Variants in ZBTB34 observed in about 807,000 individuals in gnomAD.
The protein encoded by ZBTB34 is zinc finger and BTB domain-containing protein 34.
ZBTB34 carries 1 observed loss-of-function variant against 33.4 expected under a neutral mutation model. That is an observed-to-expected ratio of 0.03 (90% CI 0.01 to 0.14). ZBTB34 has a LOEUF of 0.14. ZBTB34 is among the 10% of genes least tolerant of loss of function. The probability of loss-of-function intolerance (pLI) is 1.00; values close to 1 mark genes in which losing one functional copy is unlikely to be tolerated. For synonymous variants in ZBTB34, 283 were observed against 253.5 expected (o/e 1.12, Z -1.11); for missense variants, 406 against 657.2 (o/e 0.62, Z 4.18).
At chr9:126,867,009 G>A (rs1192922919) in intron 1 of ZBTB34, among the ~76,000 whole-genome samples, 1 of 151,964 alleles carries the variant, frequency 6.6e-6, no homozygotes, top group African/African-American at 2.4e-5. Flanking sequence ...GCTGTTTTTG[G>A]CTAAATCTTA....
At position 126,871,659 on chromosome 9, in the gene ZBTB34, A is replaced by C. The variant is rs1028557114; in HGVS notation, c.-10-7731A>C. 8.3e-4 allele frequency among the ~76,000 whole-genome samples: 126 copies of C among 152,226 alleles called. 1 individual carries two copies. Among genetic ancestry groups the C allele is most frequent in the African/African-American group, 2.8e-3 (115 of 41,540 alleles). ...TAGATTTCTTTAAAGTAGGGTACAG[A>C]ACAGTTTATGCTGATAGATGTTGAA... On this transcript the variant is annotated intron_variant, in intron 1 of 1. Coordinates refer to ENST00000319119, the Ensembl canonical transcript of ZBTB34.
intron 1 of ZBTB34, among the ~76,000 whole-genome samples, chr9:126,876,151 T>C (rs1273067767): frequency 2.9e-5 from 3 of 102,328 alleles, no homozygotes; most frequent in African/African-American, 1.1e-4. Flanking sequence ...TTTTTTTTTT[T>C]TCCCTTCCGT....
intron 1 of ZBTB34, among the ~76,000 whole-genome samples, chr9:126,872,242 C>T (rs113529607): frequency 0.019 from 2,823 of 152,256 alleles, 88 homozygotes; most frequent in African/African-American, 0.065. Context: ...TGAGCCACCG[C>T]GCCCGGCCTA....
chr9:126,878,487 AT>A (rs1250477385), intron 1 of ZBTB34, among the ~76,000 whole-genome samples: 2 of 151,878 alleles, frequency 1.3e-5, no homozygotes. Flanking sequence ...AAAAAAAGTA[AT>A]AATAACTCTT....
chr9:126,878,567 AC>A (rs2033392880), intron 1 of ZBTB34, among the ~76,000 whole-genome samples: 1 of 152,120 alleles, frequency 6.6e-6, no homozygotes, highest in Non-Finnish European at 1.5e-5. Context: ...ATAAAGGTGT[AC>A]AGAGCTGAAG....
intron 1 of ZBTB34, among the ~76,000 whole-genome samples, chr9:126,873,665 T>C (rs919143490): frequency 6.6e-6 from 1 of 152,094 alleles, no homozygotes; most frequent in African/African-American, 2.4e-5. Flanking sequence ...AGTGCAATGG[T>C]GCGATCTCGG....
chr9:126,873,853 G>T (rs999040541), intron 1 of ZBTB34, among the ~76,000 whole-genome samples: 1 of 150,596 alleles, frequency 6.6e-6, no homozygotes, highest in Non-Finnish European at 1.5e-5. Context: ...GATTTCACCC[G>T]CCTCAGCCTC....
chr9:126,872,071 C>T (rs1336528303), intron 1 of ZBTB34, among the ~76,000 whole-genome samples: 2 of 151,994 alleles, frequency 1.3e-5, no homozygotes, highest in Non-Finnish European at 2.9e-5. Flanking sequence ...CTCAGCCTCC[C>T]GAGTAGCTGG....
At chr9:126,875,885 C>T (rs761674141) in intron 1 of ZBTB34, among the ~76,000 whole-genome samples, 1 of 151,970 alleles carries the variant, frequency 6.6e-6, no homozygotes, top group Non-Finnish European at 1.5e-5. Flanking sequence ...AATGACTGCA[C>T]TAAAGTTTTA....
intron 1 of ZBTB34, among the ~76,000 whole-genome samples, chr9:126,867,323 C>G (rs2033217941): frequency 6.6e-6 from 1 of 151,834 alleles, no homozygotes; most frequent in East Asian, 1.9e-4. Flanking sequence ...CTTGCCAGCT[C>G]TTTTAAACTG....
intron 1 of ZBTB34, among the ~76,000 whole-genome samples, chr9:126,874,127 C>T (rs1488265381): frequency 4.1e-5 from 6 of 147,020 alleles, no homozygotes; most frequent in East Asian, 2.0e-4. Flanking sequence ...CTGCAAGCTC[C>T]GTCCTCCAGG....
In ZBTB34 at chr9:126,872,974, A is replaced by G. The variant is rs565712887; in HGVS notation, c.-10-6416A>G. 2.6e-5 allele frequency among the ~76,000 whole-genome samples: 4 copies of G among 152,304 alleles called. No individual in the cohort carries two copies. The East Asian group carries it at 7.7e-4, about 29-fold the overall frequency. ...TTCTTCTGAGAAGTAGTTAAGGAAA[A>G]AACAGGAGGGGGAAGCCTCATTGGG... On this transcript the variant is annotated intron_variant, in intron 1 of 1. Coordinates refer to ENST00000319119, the Ensembl canonical transcript of ZBTB34.
At chr9:126,866,560 T>G (rs565576440) in intron 1 of ZBTB34, among the ~76,000 whole-genome samples, 1 of 152,192 alleles carries the variant, frequency 6.6e-6, no homozygotes, top group Non-Finnish European at 1.5e-5. Flanking sequence ...CAAAAATATC[T>G]TCCTCCATGA....
Position 126,879,664 on chromosome 9 carries a change from T to G in ZBTB34, c.265T>G (p.Ser89Ala), listed in dbSNP as rs781079003. ...TCCCAATGTGTTTGAGCAGTTGCTT[T>G]CTTTTTGTTACACTGGAAGAATGTC... The change falls in exon 2 of 2, where the codon TCT (serine) becomes GCT (alanine). Residue 89 changes from serine to alanine, a missense_variant. Coordinates refer to ENST00000319119, the Ensembl canonical transcript of ZBTB34. The surrounding 1 kb of genome is among the most constrained non-coding windows in gnomAD (Gnocchi z 6.4). 3 of 1,613,720 alleles carry G rather than the reference T, an allele frequency of 1.9e-6. No homozygotes were observed. Among genetic ancestry groups the G allele is most frequent in the South Asian group, 1.1e-5 (1 of 91,084 alleles).
chr9:126,883,563 A>G (rs1051375432), exon 2 of ZBTB34: 1 of 167,110 alleles, frequency 6.0e-6, no homozygotes, highest in Admixed American at 6.5e-5. Context: ...TTCAGGTTCA[A>G]ACATTGTAAT....
chr9:126,874,291 C>A (rs564392961), intron 1 of ZBTB34, among the ~76,000 whole-genome samples: 16 of 148,566 alleles, frequency 1.1e-4, no homozygotes, highest in African/African-American at 3.7e-4. Context: ...ACCTGGTGAT[C>A]TGCCCGCCCC....
rs2033489364 is a variant in ZBTB34, at chr9:126,884,290, AAC to A, written c.*3378_*3379del. ...ACTTTTACTAATGTTTGTGGTTTTA[AAC>A]AGTTATTTTCATTCTAATCAGTTCT... On this transcript the variant is annotated 3_prime_UTR_variant, in exon 2 of 2. Coordinates refer to ENST00000319119, the Ensembl canonical transcript of ZBTB34. 3 of 167,158 alleles carry A rather than the reference AAC, an allele frequency of 1.8e-5. No homozygotes were observed. In the South Asian group the frequency reaches 6.2e-4, roughly 35 times the overall value. 10.4% of individuals were successfully genotyped at this position (167,158 alleles called of 1,614,324 possible). A position where few individuals can be genotyped will look rare whatever the true frequency, so the allele number is the denominator to read the frequency against.
intron 1 of ZBTB34, among the ~76,000 whole-genome samples, chr9:126,864,228 G>A (rs1326843725): frequency 6.6e-6 from 1 of 152,170 alleles, no homozygotes; most frequent in Non-Finnish European, 1.5e-5. Flanking sequence ...TTAGCTGAGT[G>A]ACCTTGGGTA....
intron 1 of ZBTB34, among the ~76,000 whole-genome samples, chr9:126,866,654 G>A (rs996434334): frequency 2.6e-5 from 4 of 151,690 alleles, no homozygotes; most frequent in African/African-American, 7.3e-5. Context: ...GTAGTTCTTC[G>A]TTTCTGCCTT....
Sources: allele counts gnomAD v4.1 joint callset (sites outside exome capture counted in the v4.1 genomes callset), GRCh38; gene constraint gnomAD v4.1.1; non-coding constraint Gnocchi (gnomAD v3.1); transcripts MANE v1.5; gene names NCBI Gene and HGNC (gene_info 2026-07-23, HGNC 2026-07-21).